The following APOBEC3G variants were observed in gnomAD, a reference collection of about 807,000 sequenced individuals.
APOBEC3G encodes apolipoprotein B mRNA editing enzyme catalytic subunit 3G, also known as DNA dC->dU-editing enzyme APOBEC-3G.
A neutral mutation model predicts 50.0 loss-of-function variants in APOBEC3G; 44 were observed. That is an observed-to-expected ratio of 0.88 (90% confidence interval 0.69 to 1.13). The LOEUF (loss-of-function observed/expected upper bound fraction) is 1.13. APOBEC3G is among the 50% of genes most tolerant of loss of function. The probability of loss-of-function intolerance (pLI) is 0.00; values close to 1 mark genes in which losing one functional copy is unlikely to be tolerated. For missense variants in APOBEC3G, 469 were observed against 492.0 expected (o/e 0.95, Z 0.44); for synonymous variants, 156 against 175.3 (o/e 0.89, Z 0.87).
At position 39,086,314 on chromosome 22, in the gene APOBEC3G, T is replaced by C. The variant is rs755164930; in HGVS notation, c.771T>C (p.His257=). ...PHKHGFLEGR[H]AELCFLDVIP... Reference sequence around the variant, plus strand: ...AACACGGTTTCCTTGAAGGCCGCCATGCAGAGCTGTGCTTCCTGGACGTGA... The same window carrying C: ...AACACGGTTTCCTTGAAGGCCGCCACGCAGAGCTGTGCTTCCTGGACGTGA... Residue 257 remains histidine, a synonymous_variant, in exon 6 of 8, where the codon CAT becomes CAC. Transcript: ENST00000407997. 1 of 1,609,664 alleles carries C rather than the reference T, an allele frequency of 6.2e-7. No homozygotes were observed. The highest frequency in any genetic ancestry group is 8.5e-7 in the Non-Finnish European group (1 of 1,176,588).
chr22:39,077,767 A>G (rs1928226212), intron 1 of APOBEC3G, among the ~76,000 whole-genome samples: 1 of 152,180 alleles, frequency 6.6e-6, no homozygotes, highest in Admixed American at 6.5e-5. Flanking sequence ...CAGGGCTTTG[A>G]TGGATTTTCT....
chr22:39,078,869 A>C, intron 1 of APOBEC3G, 63 bp from the exon 2 acceptor site: 2 of 1,595,002 alleles, frequency 1.3e-6, no homozygotes, highest in Non-Finnish European at 8.5e-7. Context: ...TTTAGTGGAC[A>C]TCAGCCCGGA....
chr22:39,082,533 A>G (rs1473439242), intron 4 of APOBEC3G: 1 of 152,510 alleles, frequency 6.6e-6, no homozygotes, highest in Non-Finnish European at 1.5e-5. Flanking sequence ...CTGAGGCAGG[A>G]GAATCGCTTG....
In APOBEC3G at chr22:39,087,083, A is replaced by C; in HGVS notation, c.1097A>C (p.Glu366Ala). 6.2e-7 allele frequency: 1 copy of C among 1,613,838 alleles called. No individual in the cohort carries two copies. The highest frequency in any genetic ancestry group is 1.7e-5 in the Admixed American group (1 of 60,014). ...TTCCAGCCCTGGGATGGACTAGATG[A>C]GCACAGCCAAGACCTGAGTGGGAGG... ...CPFQPWDGLD[E>A]HSQDLSGRLR... The change falls in exon 7 of 8, where the codon GAG becomes GCG. Residue 366 changes from glutamate (E) to alanine (A), a missense_variant. By Grantham distance (107) the Glu-to-Ala change is moderately radical. Transcript: ENST00000407997.
chr22:39,087,441 A>T lies in APOBEC3G; in HGVS notation c.*20A>T, dbSNP rs750133248. 1 of 1,613,926 alleles carries T rather than the reference A, an allele frequency of 6.2e-7. No homozygotes were observed. Among genetic ancestry groups the T allele is most frequent in the Non-Finnish European group, 8.5e-7 (1 of 1,179,858 alleles). On this transcript the variant is annotated 3_prime_UTR_variant, in exon 8 of 8. Coordinates refer to ENST00000407997, the MANE Select transcript of APOBEC3G (RefSeq NM_021822.4). ...AACTGAAGGATGGGCCTCAGTCTCT[A>T]AGGAAGGCAGAGACCTGGGTTGAGC...
chr22:39,077,463 C>T, intron 1 of APOBEC3G, 85 bp downstream of exon 1: 1 of 1,550,260 alleles, frequency 6.5e-7, no homozygotes, highest in Non-Finnish European at 8.7e-7. Flanking sequence ...CTGGCCTTCC[C>T]CTGCCCCAGC....
intron 6 of APOBEC3G, 105 bp from the exon 7 acceptor site, chr22:39,086,906 G>A: frequency 7.3e-7 from 1 of 1,363,342 alleles, no homozygotes; most frequent in Non-Finnish European, 9.9e-7. Context: ...GGGAAAGGAG[G>A]GACTGAAACC....
intron 7 of APOBEC3G, 65 bp from the exon 8 acceptor site, chr22:39,087,342 C>T (rs35205117): frequency 2.5e-6 from 4 of 1,611,758 alleles, no homozygotes; most frequent in African/African-American, 2.7e-5. Flanking sequence ...GTCCCCAGGC[C>T]TCCACCATAT....
chr22:39,081,026 A>ACAG lies in APOBEC3G; in HGVS notation c.266_267insAGC (p.Thr89_Trp90insAla). ...GCATCGTGACCAGGAGTATGAGGTC[A>ACAG]CCTGGTACATATCCTGGAGCCCCTG... is the stretch of plus-strand genomic sequence containing the variant. On this transcript the variant is annotated inframe_insertion, in exon 3 of 8. Transcript: ENST00000407997. 1 of 1,614,150 alleles carries ACAG rather than the reference A, an allele frequency of 6.2e-7. No individual in the cohort carries two copies. The highest frequency in any genetic ancestry group is 8.5e-7 in the Non-Finnish European group (1 of 1,180,008).
chr22:39,084,455 A>C (rs1019014911), intron 5 of APOBEC3G, among the ~76,000 whole-genome samples: 1 of 151,796 alleles, frequency 6.6e-6, no homozygotes, highest in Admixed American at 6.6e-5. Flanking sequence ...TGAACCTGGG[A>C]GGCAGAGCTT....
At chr22:39,077,848 G>A (rs1225751860) in intron 1 of APOBEC3G, among the ~76,000 whole-genome samples, 1 of 152,180 alleles carries the variant, frequency 6.6e-6, no homozygotes, top group African/African-American at 2.4e-5. Flanking sequence ...CTGAAGCACA[G>A]GATAAATCAT....
In APOBEC3G at chr22:39,080,950, G is replaced by C; in HGVS notation, c.189G>C (p.Lys63Asn). 1 of 1,586,514 alleles carries C rather than the reference G, an allele frequency of 6.3e-7. No homozygotes were observed. Among genetic ancestry groups the C allele is most frequent in the Non-Finnish European group, 8.6e-7 (1 of 1,163,116 alleles). Reference sequence around the variant, plus strand: ...TCTCCCAGGTGTATTCCGAACTTAAGTACCACCCAGAGATGAGATTCTTCC... The same window carrying C: ...TCTCCCAGGTGTATTCCGAACTTAACTACCACCCAGAGATGAGATTCTTCC... ...IFRGQVYSEL[K>N]YHPEMRFFHW... Residue 63 changes from lysine (K) to asparagine (N), a missense_variant, in exon 3 of 8, where the codon AAG becomes AAC. By Grantham distance (94) the Lys-to-Asn change is moderately conservative. Transcript: ENST00000407997.
chr22:39,086,198 T>C (rs1928680802), intron 5 of APOBEC3G, 81 bp from the exon 6 acceptor site: 1 of 1,466,902 alleles, frequency 6.8e-7, no homozygotes, highest in Non-Finnish European at 9.2e-7. Context: ...TAGCTACTTG[T>C]ACACTCCAGC....
chr22:39,081,251 T>C (rs1345367787), intron 3 of APOBEC3G, 24 bp downstream of exon 3: 3 of 1,609,492 alleles, frequency 1.9e-6, no homozygotes, highest in Non-Finnish European at 2.5e-6. Flanking sequence ...GGTTCAGGGG[T>C]GTGGGAGAGA....
intron 4 of APOBEC3G, among the ~76,000 whole-genome samples, chr22:39,083,474 C>T (rs767592303): frequency 4.6e-5 from 7 of 152,148 alleles, no homozygotes; most frequent in Non-Finnish European, 7.4e-5. Context: ...CTGAGCTGAC[C>T]CTGGGGAGAC....
chr22:39,086,658 T>C, intron 6 of APOBEC3G, 91 bp downstream of exon 6: 1 of 1,483,088 alleles, frequency 6.7e-7, no homozygotes. Flanking sequence ...TCGGCATCCC[T>C]GTGGGAAAGG....
chr22:39,081,394 G>C (rs1928447011), intron 3 of APOBEC3G, 77 bp from the exon 4 acceptor site: 1 of 1,539,182 alleles, frequency 6.5e-7, no homozygotes, highest in Admixed American at 1.7e-5. Context: ...TCTAGAATAT[G>C]TCTGGGAGGG....
chr22:39,084,153 C>T (rs2146299213), intron 5 of APOBEC3G, among the ~76,000 whole-genome samples: 1 of 152,284 alleles, frequency 6.6e-6, no homozygotes, highest in African/African-American at 2.4e-5. Flanking sequence ...GTCCAGGTCT[C>T]AGCCGTCCCC....
chr22:39,086,458 G>C lies in APOBEC3G; in HGVS notation c.915G>C (p.Val305=), dbSNP rs1239844995. 7 of 1,614,046 alleles carry C rather than the reference G, an allele frequency of 4.3e-6. No homozygotes were observed. The highest frequency in any genetic ancestry group is 1.3e-5 in the African/African-American group (1 of 74,912). The change falls in exon 6 of 8, where the codon GTG becomes GTC. Residue 305 remains valine, a synonymous_variant. Coordinates refer to ENST00000407997, the MANE Select transcript of APOBEC3G (RefSeq NM_021822.4). ...AATTCATTTCAAAAAACAAACACGT[G>C]AGCCTGTGCATCTTCACTGCCCGCA... ...MAKFISKNKH[V]SLCIFTARIY... is the part of the protein sequence containing the mutation.
Sources: gnomAD v4.1 joint callset for allele counts (sites outside exome capture counted in the v4.1 genomes callset) on GRCh38, gnomAD v4.1.1 for gene constraint, MANE v1.5 for transcripts, NCBI Gene and HGNC (gene_info 2026-07-23, HGNC 2026-07-21) for gene names.